The following ABTB2 variants were observed in gnomAD, a reference collection of about 807,000 sequenced individuals.
The protein encoded by ABTB2 is ankyrin repeat and BTB/POZ domain-containing protein 2.
ABTB2 carries 56 observed loss-of-function variants against 104.1 expected under a neutral mutation model. The ratio of observed to expected loss-of-function variants is 0.54; its 90% CI spans 0.43 to 0.67. The LOEUF (loss-of-function observed/expected upper bound fraction) is 0.67. Ranked by LOEUF, ABTB2 falls within the 30% of genes least tolerant of loss-of-function variation. The pLI, the probability that ABTB2 is intolerant of heterozygous loss-of-function variation, is 0.00. For missense variants in ABTB2, 1,279 were observed against 1,407.7 expected (o/e 0.91, Z 1.46); for synonymous variants, 606 against 608.2 (o/e 1.00, Z 0.05).
At chr11:34,271,531 G>C (rs1168431323) in intron 1 of ABTB2, among the ~76,000 whole-genome samples, 1 of 152,120 alleles carries the variant, frequency 6.6e-6, no homozygotes, top group East Asian at 1.9e-4. Context: ...TTGAGCTCAG[G>C]AGTTTGAGAC....
At chr11:34,189,539 T>G (rs1187351750) in intron 3 of ABTB2, among the ~76,000 whole-genome samples, 1 of 152,182 alleles carries the variant, frequency 6.6e-6, no homozygotes, top group Non-Finnish European at 1.5e-5. Context: ...AGGTCGACGT[T>G]GCAGTGAGCC....
chr11:34,225,480 G>T (rs572965649), intron 1 of ABTB2, among the ~76,000 whole-genome samples: 2 of 152,356 alleles, frequency 1.3e-5, no homozygotes, highest in South Asian at 4.1e-4. Context: ...AGCTAGCCAG[G>T]CGCGGTGGCT....
intron 1 of ABTB2, among the ~76,000 whole-genome samples, chr11:34,295,305 C>T (rs1463355348): frequency 1.3e-5 from 2 of 152,072 alleles, no homozygotes; most frequent in Non-Finnish European, 2.9e-5. Context: ...GGTCGTGGGA[C>T]CCTAACGTAC....
chr11:34,195,186 G>A (rs1214557360), intron 3 of ABTB2, among the ~76,000 whole-genome samples: 1 of 151,746 alleles, frequency 6.6e-6, no homozygotes. Flanking sequence ...GCCTGAAGAA[G>A]GCGCCTGTCC....
chr11:34,326,306 T>C (rs998003194), intron 1 of ABTB2, among the ~76,000 whole-genome samples: 1 of 152,102 alleles, frequency 6.6e-6, no homozygotes, highest in African/African-American at 2.4e-5. Context: ...AAACACATAA[T>C]AGATACATTA....
intron 1 of ABTB2, among the ~76,000 whole-genome samples, chr11:34,253,675 C>CAA (rs148748716): frequency 3.3e-4 from 43 of 129,958 alleles, no homozygotes; most frequent in African/African-American, 1.2e-3. Context: ...GATTCCGTCT[C>CAA]AAAAAAAAAA....
intron 12 of ABTB2, 63 bp downstream of exon 12, chr11:34,160,185 A>G: frequency 6.9e-7 from 1 of 1,442,542 alleles, no homozygotes; most frequent in Non-Finnish European, 9.7e-7. Context: ...AGTGGGGAGG[A>G]AGCAGGAAAG....
In ABTB2 at chr11:34,152,312, C is replaced by T. The variant is rs1852553312; in HGVS notation, c.*75G>A. 3 of 1,474,626 alleles carry T rather than the reference C, an allele frequency of 2.0e-6. No individual in the cohort carries two copies. The highest frequency in any genetic ancestry group is 2.7e-6 in the Non-Finnish European group (3 of 1,101,238). 91.3% of individuals were successfully genotyped at this position (1,474,626 alleles called of 1,614,324 possible). ...CCCCGTGAACCTGGCTCCAAGAGGG[C>T]CTACAACCATACCCCGACATGGTGG... On this transcript the variant is annotated 3_prime_UTR_variant, in exon 17 of 17. Coordinates refer to ENST00000435224, the MANE Select transcript of ABTB2 (RefSeq NM_145804.3).
At chr11:34,200,272 T>C (rs1163650553) in intron 2 of ABTB2, among the ~76,000 whole-genome samples, 1 of 152,234 alleles carries the variant, frequency 6.6e-6, no homozygotes, top group African/African-American at 2.4e-5. Context: ...AGTCATTATC[T>C]TTAATTATTT....
Position 34,151,154 on chromosome 11 carries a change from C to A in ABTB2, c.*1233G>T, listed in dbSNP as rs1394618952. On this transcript the variant is annotated 3_prime_UTR_variant, in exon 17 of 17. Transcript: ENST00000435224. ...TCAAAATATTTTCCAGAATTGCAAG[C>A]CCCTGGGGGCTTTTCAGGGTGACCT... is the stretch of plus-strand genomic sequence containing the variant. 1.3e-5 allele frequency: 2 copies of A among 152,646 alleles called. No individual in the cohort carries two copies. Among genetic ancestry groups the A allele is most frequent in the Non-Finnish European group, 2.9e-5 (2 of 68,050 alleles). The allele number at this position is 152,646 out of a possible 1,614,324, so 9.5% of individuals were successfully genotyped here.
At chr11:34,307,771 T>C (rs1854795840) in intron 1 of ABTB2, among the ~76,000 whole-genome samples, 1 of 151,882 alleles carries the variant, frequency 6.6e-6, no homozygotes, top group African/African-American at 2.4e-5. Flanking sequence ...CGATCTCGGC[T>C]CACCGCAACC....
At chr11:34,212,084 C>T (rs11032555) in intron 1 of ABTB2, among the ~76,000 whole-genome samples, 36,851 of 151,224 alleles carry the variant, frequency 0.24, 5,554 homozygotes, top group African/African-American at 0.43. Flanking sequence ...TGAGACAGGG[C>T]CTTACTCTGT....
intron 1 of ABTB2, among the ~76,000 whole-genome samples, chr11:34,300,279 C>T (rs1378438932): frequency 6.6e-6 from 1 of 152,186 alleles, no homozygotes; most frequent in Non-Finnish European, 1.5e-5. Flanking sequence ...GTACTGAAGG[C>T]CTTTCAATTT....
intron 1 of ABTB2, among the ~76,000 whole-genome samples, chr11:34,207,034 C>A (rs1323202418): frequency 6.6e-6 from 1 of 152,250 alleles, no homozygotes; most frequent in Non-Finnish European, 1.5e-5. Flanking sequence ...GCCCCAGTCC[C>A]TAAAGCAGAA....
intron 1 of ABTB2, among the ~76,000 whole-genome samples, chr11:34,342,678 T>C (rs2133124148): frequency 6.6e-6 from 1 of 152,308 alleles, no homozygotes; most frequent in Non-Finnish European, 1.5e-5. Flanking sequence ...GGTAGGTCTG[T>C]GCTGGGTATC....
chr11:34,197,138 A>C (rs956375724), intron 3 of ABTB2, among the ~76,000 whole-genome samples, 187 bp downstream of exon 3: 2 of 151,796 alleles, frequency 1.3e-5, no homozygotes, highest in African/African-American at 4.8e-5. Context: ...AGGAAAAAAA[A>C]ATCCCACTGC....
chr11:34,274,601 ATTT>A (rs1172740113), intron 1 of ABTB2, among the ~76,000 whole-genome samples: 1 of 151,652 alleles, frequency 6.6e-6, no homozygotes, highest in Non-Finnish European at 1.5e-5. Flanking sequence ...GTATGTATAT[ATTT>A]TTTTCTTTTT....
chr11:34,310,959 C>T (rs7924627), intron 1 of ABTB2, among the ~76,000 whole-genome samples: 6,447 of 152,278 alleles, frequency 0.042, 466 homozygotes, highest in African/African-American at 0.15. Context: ...CAGCCAAGGT[C>T]CTGATGGAGG....
At chr11:34,236,572 A>T (rs537434562) in intron 1 of ABTB2, among the ~76,000 whole-genome samples, 1 of 152,036 alleles carries the variant, frequency 6.6e-6, no homozygotes. Context: ...TTCTCTTTTG[A>T]TGCCTCCCCG....
Sources: gnomAD v4.1 joint callset for allele counts (sites outside exome capture counted in the v4.1 genomes callset) on GRCh38, gnomAD v4.1.1 for gene constraint, MANE v1.5 for transcripts, NCBI Gene and HGNC (gene_info 2026-07-23, HGNC 2026-07-21) for gene names.